Variants in TLL1 observed in about 807,000 individuals in gnomAD.
The protein encoded by TLL1 is tolloid like 1, also known as tolloid-like protein 1.
Under a neutral mutation model 128.2 loss-of-function variants are expected in TLL1, and 49 were observed. That is an observed-to-expected ratio of 0.38 (90% CI 0.30 to 0.48). The LOEUF (loss-of-function observed/expected upper bound fraction) is 0.48. Ranked by LOEUF, TLL1 falls within the 20% of genes least tolerant of loss-of-function variation. TLL1 has a pLI of 0.96. For synonymous variants in TLL1, 454 were observed against 418.8 expected (o/e 1.08, Z -1.03); for missense variants, 1,123 against 1,242.0 (o/e 0.90, Z 1.44).
intron 15 of TLL1, 82 bp downstream of exon 15, chr4:166,060,270 ATG>A: frequency 7.8e-7 from 1 of 1,274,640 alleles, no homozygotes; most frequent in Non-Finnish European, 1.1e-6. Context: ...AAAAAAAAAG[ATG>A]TAGTAAAATA....
intron 19 of TLL1, among the ~76,000 whole-genome samples, chr4:166,093,325 T>A (rs2646913): frequency 0.78 from 118,796 of 152,076 alleles, 46,560 homozygotes; most frequent in East Asian, 0.92. Flanking sequence ...GCAAGAAAAC[T>A]TGTGAGCAAA....
chr4:166,004,144 A>G (rs1311070160), intron 6 of TLL1, among the ~76,000 whole-genome samples: 1 of 152,094 alleles, frequency 6.6e-6, no homozygotes, highest in Non-Finnish European at 1.5e-5. Flanking sequence ...TTTCTACTTA[A>G]AACCTATTTT....
chr4:165,984,384 A>C (rs749140914), intron 1 of TLL1, among the ~76,000 whole-genome samples: 28 of 151,942 alleles, frequency 1.8e-4, no homozygotes, highest in Non-Finnish European at 3.5e-4. Flanking sequence ...GCTAAAATAT[A>C]TGTCTTAGAA....
intron 18 of TLL1, among the ~76,000 whole-genome samples, chr4:166,080,785 A>G (rs1054609419): frequency 1.3e-5 from 2 of 152,136 alleles, no homozygotes; most frequent in East Asian, 3.9e-4. Flanking sequence ...ACTGGCTTCA[A>G]ATTCCTTTTT....
chr4:165,880,108 A>G (rs1193776423), intron 1 of TLL1, among the ~76,000 whole-genome samples: 1 of 152,216 alleles, frequency 6.6e-6, no homozygotes, highest in Non-Finnish European at 1.5e-5. Flanking sequence ...AATGAATGAC[A>G]TAGATCGTGT....
At chr4:166,027,449 G>T (rs556959375) in intron 9 of TLL1, among the ~76,000 whole-genome samples, 1 of 152,266 alleles carries the variant, frequency 6.6e-6, no homozygotes, top group East Asian at 1.9e-4. Flanking sequence ...CCAGGATTTT[G>T]TAATATTCGC....
chr4:166,103,728 GTTAC>G lies in TLL1; in HGVS notation c.*2858_*2861del, dbSNP rs991237740. 6.6e-6 allele frequency: 1 copy of G among 150,900 alleles called. No individual in the cohort carries two copies. The highest frequency in any genetic ancestry group is 2.4e-5 in the African/African-American group (1 of 41,128). The allele number at this position is 150,900 out of a possible 1,614,324, so 9.3% of individuals were successfully genotyped here. A position where few individuals can be genotyped will look rare whatever the true frequency, so the allele number is the denominator to read the frequency against. On this transcript the variant is annotated 3_prime_UTR_variant, in exon 21 of 21. Coordinates refer to ENST00000061240, the MANE Select transcript of TLL1 (RefSeq NM_012464.5). Reference sequence around the variant, plus strand: ...CTTCATTGTTGTATTGTTAATAATTGTTACTTACTGCTCCAGGCATTTTATTAAA... The same window carrying G: ...CTTCATTGTTGTATTGTTAATAATTGTTACTGCTCCAGGCATTTTATTAAA...
intron 19 of TLL1, among the ~76,000 whole-genome samples, chr4:166,098,367 C>T (rs1742126223): frequency 6.8e-6 from 1 of 147,542 alleles, no homozygotes; most frequent in Admixed American, 6.7e-5. Context: ...CTTTGGGGCT[C>T]TGACTACAAA....
Position 166,043,421 on chromosome 4 carries a change from T to C in TLL1, c.1524+2T>C. The stretch of plus-strand genomic sequence containing the variant: ...GGGCTGACCTTTCAGTCCTTTGAGG[T>C]AAAGTCTTTTAGGCTATCTTCCTGG... On this transcript the variant is annotated splice_donor_variant, in intron 12 of 20. Transcript: ENST00000061240. LOFTEE classifies it high-confidence loss of function. 1 of 1,614,062 alleles carries C rather than the reference T, an allele frequency of 6.2e-7. No homozygotes were observed. Among genetic ancestry groups the C allele is most frequent in the Non-Finnish European group, 8.5e-7 (1 of 1,179,930 alleles).
chr4:166,077,491 G>A (rs7677062), intron 17 of TLL1, among the ~76,000 whole-genome samples: 4,041 of 152,210 alleles, frequency 0.027, 163 homozygotes, highest in African/African-American at 0.083. Context: ...AGCTGTAAAT[G>A]ATGTTTCCTT....
At chr4:165,902,097 C>T (rs574217148) in intron 1 of TLL1, among the ~76,000 whole-genome samples, 5 of 152,224 alleles carry the variant, frequency 3.3e-5, no homozygotes, top group East Asian at 1.9e-4. Flanking sequence ...CCTCCCCCCA[C>T]GAAGCTTGAG....
At chr4:166,061,019 C>A (rs1450852083) in intron 15 of TLL1, among the ~76,000 whole-genome samples, 4 of 152,092 alleles carry the variant, frequency 2.6e-5, no homozygotes, top group Admixed American at 1.3e-4. Flanking sequence ...TGATTTTTAT[C>A]CATCCATAAA....
At chr4:166,005,764 A>C (rs1002946892) in intron 6 of TLL1, among the ~76,000 whole-genome samples, 2 of 151,874 alleles carry the variant, frequency 1.3e-5, no homozygotes, top group Non-Finnish European at 1.5e-5. Context: ...ACGTGGAAAA[A>C]ATTTATAAAA....
At chr4:165,991,160 A>T (rs1736621675) in intron 2 of TLL1, among the ~76,000 whole-genome samples, 1 of 151,946 alleles carries the variant, frequency 6.6e-6, no homozygotes, top group Non-Finnish European at 1.5e-5. Context: ...GTGATTTTAA[A>T]TTTTTAAAAT....
intron 12 of TLL1, among the ~76,000 whole-genome samples, chr4:166,044,754 A>G (rs901371948): frequency 6.6e-6 from 1 of 152,168 alleles, no homozygotes; most frequent in Non-Finnish European, 1.5e-5. Context: ...GCTCATAAAA[A>G]TTATCCACCC....
chr4:166,095,260 CA>C (rs777235782), intron 19 of TLL1, among the ~76,000 whole-genome samples: 1 of 151,370 alleles, frequency 6.6e-6, no homozygotes, highest in Non-Finnish European at 1.5e-5. Context: ...CTTTACAAGT[CA>C]AAAAAAAGTC....
intron 8 of TLL1, among the ~76,000 whole-genome samples, chr4:166,018,683 G>A (rs10001573): frequency 6.6e-6 from 1 of 152,012 alleles, no homozygotes; most frequent in African/African-American, 2.4e-5. Context: ...GATACAATCA[G>A]CCAACAAACA....
chr4:165,907,585 G>C (rs1049568840), intron 1 of TLL1, among the ~76,000 whole-genome samples: 1 of 138,362 alleles, frequency 7.2e-6, no homozygotes, highest in East Asian at 2.2e-4. Flanking sequence ...TTTTGATCTT[G>C]TTGCCCAGGC....
chr4:166,031,300 T>C (rs978622516), intron 9 of TLL1, among the ~76,000 whole-genome samples: 1 of 151,244 alleles, frequency 6.6e-6, no homozygotes, highest in East Asian at 1.9e-4. Context: ...ATGACTGTTA[T>C]ATAAATAAGT....
Sources: gnomAD v4.1 joint callset for allele counts (sites outside exome capture counted in the v4.1 genomes callset) on GRCh38, gnomAD v4.1.1 for gene constraint, MANE v1.5 for transcripts, NCBI Gene and HGNC (gene_info 2026-07-23, HGNC 2026-07-21) for gene names.